Variants in RNMT observed in about 807,000 individuals in gnomAD.
RNMT encodes RNA guanine-7 methyltransferase.
In RNMT, 27 loss-of-function variants were observed where a neutral mutation model predicts 56.0. That is an observed-to-expected ratio of 0.48 (90% CI 0.36 to 0.67). The LOEUF (loss-of-function observed/expected upper bound fraction) is 0.67. Among genes scored for constraint, RNMT ranks in the 30% least tolerant of loss-of-function variants. The pLI is 0.00. For synonymous variants in RNMT, 184 were observed against 176.2 expected, an observed-to-expected ratio of 1.04 and a Z score of -0.35; for missense variants, 519 against 552.1, an observed-to-expected ratio of 0.94 and a Z score of 0.60.
Position 13,741,532 on chromosome 18 carries a change from G to C in RNMT, c.815G>C (p.Arg272Pro). The change falls in exon 7 of 12, where the codon CGT becomes CCT. Residue 272 changes from arginine to proline, a missense_variant. Transcript: ENST00000383314. ...CAGGAACTTCTGATTGACAAATTTCGTGACCCACAAATGTGTTTTGACATC... is the reference window on the plus strand; with the variant it reads ...CAGGAACTTCTGATTGACAAATTTCCTGACCCACAAATGTGTTTTGACATC... ...SSKELLIDKF[R>P]DPQMCFDICS... 1.2e-6 allele frequency: 2 copies of C among 1,610,982 alleles called. No individual in the cohort carries two copies. Among genetic ancestry groups the C allele is most frequent in the Non-Finnish European group, 1.7e-6 (2 of 1,178,730 alleles).
At chr18:13,733,427 G>C (rs1410561176) in intron 3 of RNMT, among the ~76,000 whole-genome samples, 1 of 152,012 alleles carries the variant, frequency 6.6e-6, no homozygotes, top group East Asian at 1.9e-4. Context: ...GCCCATGCTG[G>C]AGTGCGGTGG....
At chr18:13,740,047 A>G in intron 5 of RNMT, 120 bp from the exon 6 acceptor site, 1 of 665,942 alleles carries the variant, frequency 1.5e-6, no homozygotes, top group Non-Finnish European at 2.7e-6. Context: ...TTTTAAAGGA[A>G]ATAAAACCTT....
chr18:13,761,780 A>G lies in RNMT; in HGVS notation c.*1801A>G. The G allele has an allele frequency of 8.0e-7, 1 of 1,256,020 alleles. No homozygotes were observed. The highest frequency in any genetic ancestry group is 1.0e-6 in the Non-Finnish European group (1 of 993,126). 77.8% of individuals were successfully genotyped at this position (1,256,020 alleles called of 1,614,324 possible). On this transcript the variant is annotated 3_prime_UTR_variant, in exon 12 of 12. Coordinates refer to ENST00000383314, the MANE Select transcript of RNMT (RefSeq NM_003799.3). ...ACACCTGCAGGCGCTGTGTTCAGGC[A>G]CCACCTTCCTCCTTGAGCTTTGCCT...
At chr18:13,740,015 G>A (rs1257923816) in intron 5 of RNMT, 152 bp from the exon 6 acceptor site, 17 of 605,232 alleles carry the variant, frequency 2.8e-5, no homozygotes, top group East Asian at 1.5e-4. Flanking sequence ...TATTTGCGTC[G>A]GAACAAAGCC....
chr18:13,760,103 G>A lies in RNMT; in HGVS notation c.*124G>A. The stretch of plus-strand genomic sequence containing the variant: ...ATTCTAAATGTGCAGGATGCTGCCA[G>A]AAACTCCAATGTAGAAATTCAACAT... On this transcript the variant is annotated 3_prime_UTR_variant, in exon 12 of 12. Coordinates refer to ENST00000383314, the MANE Select transcript of RNMT (RefSeq NM_003799.3). 7.0e-7 allele frequency: 1 copy of A among 1,433,478 alleles called. No individual in the cohort carries two copies. The highest frequency in any genetic ancestry group is 9.2e-7 in the Non-Finnish European group (1 of 1,087,782). 88.8% of individuals were successfully genotyped at this position (1,433,478 alleles called of 1,614,324 possible).
chr18:13,744,003 A>G (rs1054103217), intron 8 of RNMT, among the ~76,000 whole-genome samples: 1 of 152,014 alleles, frequency 6.6e-6, no homozygotes, highest in Non-Finnish European at 1.5e-5. Context: ...CTGCTCTTCA[A>G]CTTTATTTAA....
At chr18:13,747,542 G>A (rs1410087157) in intron 9 of RNMT, among the ~76,000 whole-genome samples, 2 of 152,052 alleles carry the variant, frequency 1.3e-5, no homozygotes, top group Non-Finnish European at 2.9e-5. Flanking sequence ...TTTTTAGTGG[G>A]CAGCCTGAGG....
At position 13,761,724 on chromosome 18, in the gene RNMT, G is replaced by A; in HGVS notation, c.*1745G>A. 1 of 1,141,224 alleles carries A rather than the reference G, an allele frequency of 8.8e-7. No homozygotes were observed. The highest frequency in any genetic ancestry group is 1.1e-6 in the Non-Finnish European group (1 of 925,076). 70.7% of individuals were successfully genotyped at this position (1,141,224 alleles called of 1,614,324 possible). On this transcript the variant is annotated 3_prime_UTR_variant, in exon 12 of 12. Coordinates refer to ENST00000383314, the MANE Select transcript of RNMT (RefSeq NM_003799.3). Reference sequence around the variant, plus strand: ...AGATGCTCTGGGGACTGAGCCCACTGTTGTTGGTGTCAGGGAGGCTTACTG... The same window carrying A: ...AGATGCTCTGGGGACTGAGCCCACTATTGTTGGTGTCAGGGAGGCTTACTG...
intron 3 of RNMT, among the ~76,000 whole-genome samples, chr18:13,732,139 TTTTG>T (rs2044080878): frequency 6.6e-6 from 1 of 152,226 alleles, no homozygotes; most frequent in Admixed American, 6.5e-5. Flanking sequence ...ATTTTTTAGT[TTTTG>T]TTTGTTTTTA....
chr18:13,734,708 T>C, intron 4 of RNMT, 109 bp downstream of exon 4: 1 of 900,938 alleles, frequency 1.1e-6, no homozygotes, highest in Non-Finnish European at 1.6e-6. Flanking sequence ...CAAATTCTTC[T>C]AATATTTACT....
intron 11 of RNMT, among the ~76,000 whole-genome samples, chr18:13,759,173 G>A (rs910385181): frequency 6.6e-6 from 1 of 152,190 alleles, no homozygotes; most frequent in African/African-American, 2.4e-5. Context: ...AACCCGAAGC[G>A]AGCATGTGCT....
chr18:13,751,387 C>T (rs1308917090), intron 9 of RNMT, among the ~76,000 whole-genome samples: 1 of 152,190 alleles, frequency 6.6e-6, no homozygotes, highest in Non-Finnish European at 1.5e-5. Flanking sequence ...CACTGGTCAT[C>T]AGAGAAATGC....
intron 8 of RNMT, among the ~76,000 whole-genome samples, chr18:13,745,675 T>TG (rs781298963): frequency 2.0e-5 from 3 of 149,292 alleles, no homozygotes; most frequent in South Asian, 2.1e-4. Flanking sequence ...TACCGATAGC[T>TG]GGGGGGTGGA....
chr18:13,728,330 TTGTGTGTGTGTG>T (rs1212860122), intron 1 of RNMT, among the ~76,000 whole-genome samples: 307 of 21,418 alleles, frequency 0.014, 27 homozygotes, highest in Middle Eastern at 0.1. Context: ...TTTTTTTTTT[TTGTGTGTGTGTG>T]TGTGTGTGTG....
intron 8 of RNMT, among the ~76,000 whole-genome samples, chr18:13,745,999 TATACTA>T (rs956418995): frequency 4.6e-5 from 7 of 152,316 alleles, no homozygotes; most frequent in African/African-American, 1.2e-4. Context: ...ACCTTTATGT[TATACTA>T]ATAGAGCCCT....
In RNMT at chr18:13,726,691, C is replaced by A; in HGVS notation, c.-210C>A. The A allele has an allele frequency of 6.6e-6, 1 of 152,268 alleles. No homozygotes were observed. Among genetic ancestry groups the A allele is most frequent in the Non-Finnish European group, 1.5e-5 (1 of 68,092 alleles). The allele number at this position is 152,268 out of a possible 1,614,324, so 9.4% of individuals were successfully genotyped here. On this transcript the variant is annotated 5_prime_UTR_variant, in exon 1 of 12. Transcript: ENST00000383314. ...CGTAAGCAGACACGCGTGGCGCGGG[C>A]CGCCGTTTCCGCAAACAGAATCGCG...
At chr18:13,727,361 A>C (rs2043977248) in intron 1 of RNMT, among the ~76,000 whole-genome samples, 1 of 152,160 alleles carries the variant, frequency 6.6e-6, no homozygotes, top group South Asian at 2.1e-4. Flanking sequence ...ATGTCAGTCG[A>C]CCACCTTTCG....
intron 1 of RNMT, among the ~76,000 whole-genome samples, chr18:13,730,163 T>C (rs1568496071): frequency 6.6e-6 from 1 of 152,236 alleles, no homozygotes; most frequent in South Asian, 2.1e-4. Flanking sequence ...AGCTTCTCCA[T>C]AGTAGGAGGT....
At chr18:13,756,379 G>A (rs1467216171) in intron 11 of RNMT, among the ~76,000 whole-genome samples, 1 of 152,128 alleles carries the variant, frequency 6.6e-6, no homozygotes, top group African/African-American at 2.4e-5. Flanking sequence ...CCTAAATGAG[G>A]ACAGGACAGG....
Sources: gnomAD v4.1 joint callset for allele counts (sites outside exome capture counted in the v4.1 genomes callset) on GRCh38, gnomAD v4.1.1 for gene constraint, MANE v1.5 for transcripts, NCBI Gene and HGNC (gene_info 2026-07-23, HGNC 2026-07-21) for gene names.